The following SPINK8 variants were observed in gnomAD, a reference collection of about 807,000 sequenced individuals.
The protein encoded by SPINK8 is serine peptidase inhibitor Kazal type 8 (putative).
A neutral mutation model predicts 14.4 loss-of-function variants in SPINK8; 12 were observed. The observed-to-expected ratio is 0.83, with a 90% CI of 0.53 to 1.35. The LOEUF (loss-of-function observed/expected upper bound fraction) is 1.35. SPINK8 is among the 40% of genes most tolerant of loss of function. The probability of loss-of-function intolerance (pLI) is 0.00; values close to 1 mark genes in which losing one functional copy is unlikely to be tolerated. For missense variants in SPINK8, 103 were observed against 117.0 expected (o/e 0.88, Z 0.55); for synonymous variants, 32 against 37.6 (o/e 0.85, Z 0.55).
chr3:48,324,742 C>A (rs1454376280), intron 4 of SPINK8, among the ~76,000 whole-genome samples: 1 of 152,088 alleles, frequency 6.6e-6, no homozygotes, highest in Non-Finnish European at 1.5e-5. Context: ...ACTGCATGTG[C>A]ACCTGAGCAG....
chr3:48,319,657 A>G (rs757791316), intron 5 of SPINK8, 39 bp from the exon 6 acceptor site: 6 of 1,612,864 alleles, frequency 3.7e-6, no homozygotes, highest in South Asian at 3.3e-5. Context: ...AGACACTTTC[A>G]TCCAGGTCCT....
intron 4 of SPINK8, among the ~76,000 whole-genome samples, chr3:48,326,142 G>A (rs1368439435): frequency 6.6e-6 from 1 of 152,074 alleles, no homozygotes; most frequent in African/African-American, 2.4e-5. Context: ...CCTTCTGAGG[G>A]AGATATACCA....
intron 5 of SPINK8, among the ~76,000 whole-genome samples, chr3:48,320,687 AG>A (rs2036061271): frequency 6.6e-6 from 1 of 152,308 alleles, no homozygotes; most frequent in East Asian, 1.9e-4. Flanking sequence ...TGAGGGAGGC[AG>A]GGGGTATGCC....
intron 6 of SPINK8, among the ~76,000 whole-genome samples, chr3:48,311,436 G>A (rs1355598630): frequency 2.6e-5 from 4 of 152,078 alleles, no homozygotes; most frequent in African/African-American, 9.7e-5. Flanking sequence ...AAATTGGAAA[G>A]GAAGAAGTAA....
rs1453713873 is a variant in SPINK8, at chr3:48,306,873, A to G, written c.*119T>C. On this transcript the variant is annotated 3_prime_UTR_variant, in exon 8 of 8. Coordinates refer to ENST00000434006, the MANE Select transcript of SPINK8 (RefSeq NM_001080525.3). ...GCTAAGAATCATTTATTGAAGACAT[A>G]AATCAACGAGTTTGATCCAACCATT... 8 of 1,001,090 alleles carry G rather than the reference A, an allele frequency of 8.0e-6. No individual in the cohort carries two copies. The highest frequency in any genetic ancestry group is 5.2e-5 in the Admixed American group (2 of 38,200). The allele number at this position is 1,001,090 out of a possible 1,614,324, so 62.0% of individuals were successfully genotyped here.
chr3:48,309,992 C>T (rs902934074), intron 6 of SPINK8, 46 bp from the exon 7 acceptor site: 27 of 1,330,968 alleles, frequency 2.0e-5, no homozygotes, highest in East Asian at 3.1e-5. Flanking sequence ...TATGGTATAT[C>T]ATAAATTCTG....
At chr3:48,315,306 C>CA (rs1391366560) in intron 6 of SPINK8, among the ~76,000 whole-genome samples, 1 of 152,052 alleles carries the variant, frequency 6.6e-6, no homozygotes, top group African/African-American at 2.4e-5. Flanking sequence ...AGTCATGGCA[C>CA]GTACAAAGGA....
chr3:48,332,722 G>A lies in SPINK8; in HGVS notation c.-241-251C>T, dbSNP rs184973131. ...AAACTCTTGGGCTGCAGTTATAGCG[G>A]CACTTCTCTCATTTGGGGTTAGTAT... On this transcript the variant is annotated intron_variant, in intron 1 of 7. Coordinates refer to ENST00000434006, the MANE Select transcript of SPINK8 (RefSeq NM_001080525.3). Among the ~76,000 whole-genome samples the A allele has an allele frequency of 3.8e-3, 577 of 152,286 alleles. 6 individuals carry two copies. The highest frequency in any genetic ancestry group is 0.013 in the African/African-American group (548 of 41,554).
At chr3:48,312,245 G>A (rs1486092784) in intron 6 of SPINK8, among the ~76,000 whole-genome samples, 5 of 152,160 alleles carry the variant, frequency 3.3e-5, no homozygotes, top group African/African-American at 1.2e-4. Flanking sequence ...TATATCTATG[G>A]CCAATTGATT....
At chr3:48,310,072 C>A in intron 6 of SPINK8, 126 bp from the exon 7 acceptor site, 4 of 1,146,594 alleles carry the variant, frequency 3.5e-6, no homozygotes, top group Non-Finnish European at 4.4e-6. Flanking sequence ...GAATTCTTGG[C>A]AAATATTTAA....
chr3:48,310,450 C>T lies in SPINK8; in HGVS notation c.240-504G>A, dbSNP rs891310635. Among the ~76,000 whole-genome samples the T allele has an allele frequency of 6.6e-5, 10 of 151,562 alleles. No homozygotes were observed. In the South Asian group the frequency reaches 8.4e-4, roughly 13 times the overall value. Reference sequence around the variant, plus strand: ...ACTGAATCAGTAATAAAAAATGTCCCGACAAACACCAGATGGCTTTAGTAC... The same window carrying T: ...ACTGAATCAGTAATAAAAAATGTCCTGACAAACACCAGATGGCTTTAGTAC... On this transcript the variant is annotated intron_variant, in intron 6 of 7. Coordinates refer to ENST00000434006, the MANE Select transcript of SPINK8 (RefSeq NM_001080525.3).
chr3:48,318,481 G>A (rs1391023606), intron 6 of SPINK8, among the ~76,000 whole-genome samples: 1 of 152,212 alleles, frequency 6.6e-6, no homozygotes, highest in Non-Finnish European at 1.5e-5. Context: ...GCTCTTTAGA[G>A]GCCATCTCTC....
intron 6 of SPINK8, 71 bp downstream of exon 6, chr3:48,319,426 G>T: frequency 6.3e-7 from 1 of 1,578,302 alleles, no homozygotes; most frequent in African/African-American, 1.3e-5. Flanking sequence ...AGTGGGCTGA[G>T]GTCATCACCC....
At chr3:48,311,775 G>C (rs1420458964) in intron 6 of SPINK8, among the ~76,000 whole-genome samples, 1 of 152,164 alleles carries the variant, frequency 6.6e-6, no homozygotes, top group Non-Finnish European at 1.5e-5. Context: ...CATGCTCACT[G>C]ACTGGAAGAA....
At chr3:48,315,171 G>C (rs558638068) in intron 6 of SPINK8, among the ~76,000 whole-genome samples, 1 of 152,158 alleles carries the variant, frequency 6.6e-6, no homozygotes, top group Non-Finnish European at 1.5e-5. Context: ...GATTATTTCA[G>C]AAGTCACTAA....
chr3:48,333,464 C>CTAAGCATTAGGA (rs2036291959), intron 1 of SPINK8, among the ~76,000 whole-genome samples, 71 bp downstream of exon 1: 5 of 152,182 alleles, frequency 3.3e-5, no homozygotes, highest in African/African-American at 9.7e-5. Flanking sequence ...CCTCTGTGGT[C>CTAAGCATTAGGA]CTAATGCTTA....
intron 5 of SPINK8, among the ~76,000 whole-genome samples, chr3:48,320,585 G>A (rs1271005302): frequency 6.6e-6 from 1 of 152,004 alleles, no homozygotes; most frequent in Non-Finnish European, 1.5e-5. Context: ...TATCATATGT[G>A]GTGCCTCAGA....
At chr3:48,312,612 C>T (rs926936903) in intron 6 of SPINK8, among the ~76,000 whole-genome samples, 1 of 152,056 alleles carries the variant, frequency 6.6e-6, no homozygotes, top group African/African-American at 2.4e-5. Context: ...CACTTCACTC[C>T]AGCTTGGGTG....
chr3:48,319,105 G>A (rs1028928330), intron 6 of SPINK8, among the ~76,000 whole-genome samples: 5 of 152,216 alleles, frequency 3.3e-5, no homozygotes, highest in Admixed American at 6.5e-5. Flanking sequence ...TATTAGCTGG[G>A]AAGATTCTTC....
Sources: allele counts gnomAD v4.1 joint callset (sites outside exome capture counted in the v4.1 genomes callset), GRCh38; gene constraint gnomAD v4.1.1; transcripts MANE v1.5; gene names NCBI Gene and HGNC (gene_info 2026-07-23, HGNC 2026-07-21).